SLIT2: variants seen among roughly 807,000 people sequenced by gnomAD.
SLIT2 encodes slit guidance ligand 2, also known as slit homolog 2 protein.
In SLIT2, 41 loss-of-function variants were observed where a neutral mutation model predicts 185.7. The observed-to-expected ratio is 0.22, with a 90% CI of 0.17 to 0.29. The LOEUF (loss-of-function observed/expected upper bound fraction) is 0.29. Ranked by LOEUF, SLIT2 falls within the 10% of genes least tolerant of loss-of-function variation. The pLI is 1.00. For synonymous variants in SLIT2, 693 were observed against 680.2 expected, an observed-to-expected ratio of 1.02 and a Z score of -0.29; for missense variants, 1,571 against 1,909.0, an observed-to-expected ratio of 0.82 and a Z score of 3.30.
At chr4:20,405,918 C>CTGTCCTATCAACAATGAAATACAA (rs1553895950) in intron 4 of SLIT2, among the ~76,000 whole-genome samples, 1 of 146,750 alleles carries the variant, frequency 6.8e-6, no homozygotes, top group South Asian at 2.3e-4. Context: ...TATTCACAAA[C>CTGTCCTATCAACAATGAAATACAA]ATTACCTTGG....
intron 4 of SLIT2, among the ~76,000 whole-genome samples, chr4:20,279,920 G>A (rs1714554611): frequency 6.6e-6 from 1 of 151,954 alleles, no homozygotes; most frequent in East Asian, 1.9e-4. Context: ...AGTACAGGTC[G>A]GCTAATAAAT....
chr4:20,360,559 A>T (rs1166335627), intron 4 of SLIT2, among the ~76,000 whole-genome samples: 2 of 152,164 alleles, frequency 1.3e-5, no homozygotes, highest in Non-Finnish European at 2.9e-5. Context: ...GGAAGCATAG[A>T]ATGACTCAAT....
At chr4:20,514,182 AT>A (rs1719991644) in intron 11 of SLIT2, among the ~76,000 whole-genome samples, 1 of 152,192 alleles carries the variant, frequency 6.6e-6, no homozygotes, top group South Asian at 2.1e-4. Context: ...TTAAATAAAA[AT>A]TTTGCTTACA....
rs746601970 is a variant in SLIT2, at chr4:20,550,838, G to A, written c.2501G>A (p.Gly834Glu). The A allele has an allele frequency of 6.2e-7, 1 of 1,603,896 alleles. No homozygotes were observed. The highest frequency in any genetic ancestry group is 8.5e-7 in the Non-Finnish European group (1 of 1,172,496). The change falls in exon 25 of 37, where the codon GGA (glycine) becomes GAA (glutamate). Residue 834 changes from glycine to glutamate, a missense_variant. Coordinates refer to ENST00000504154, the MANE Select transcript of SLIT2 (RefSeq NM_004787.4). The part of the protein sequence containing the change: ...LKSLRLLSLH[G>E]NDISVVPEGA... ...TTTCTTTCTTTTAGTTCTCTACATG[G>A]AAATGACATTTCTGTTGTGCCTGAA...
rs199864207 is a variant in SLIT2 at position 20,388,716 on chromosome 4, C to G, written c.396-79036C>G. 1.7e-4 allele frequency among the ~76,000 whole-genome samples: 26 copies of G among 149,508 alleles called. No individual in the cohort carries two copies. The East Asian group carries it at 5.1e-3, about 29-fold the overall frequency. ...TTGAACCCAGGAGGCAGAGGTTGCA[C>G]TGAGTGGAGATCATGCTCCTGCACT... On this transcript the variant is annotated intron_variant, in intron 4 of 36. Coordinates refer to ENST00000504154, the MANE Select transcript of SLIT2 (RefSeq NM_004787.4).
chr4:20,537,261 A>G (rs1026920730), intron 18 of SLIT2, among the ~76,000 whole-genome samples: 1 of 152,334 alleles, frequency 6.6e-6, no homozygotes, highest in African/African-American at 2.4e-5. Context: ...CACCAGTATC[A>G]CCACAAACAT....
chr4:20,347,714 A>G (rs1721541827), intron 4 of SLIT2, among the ~76,000 whole-genome samples: 1 of 152,264 alleles, frequency 6.6e-6, no homozygotes, highest in Non-Finnish European at 1.5e-5. Flanking sequence ...AAGTTAGGCA[A>G]CTGAGAAGGC....
chr4:20,374,320 C>T (rs1723836833), intron 4 of SLIT2, among the ~76,000 whole-genome samples: 1 of 151,972 alleles, frequency 6.6e-6, no homozygotes, highest in Admixed American at 6.6e-5. Flanking sequence ...TTTTCCTAGC[C>T]TGCTTATTAT....
intron 8 of SLIT2, among the ~76,000 whole-genome samples, chr4:20,489,410 A>G (rs1403865538): frequency 6.6e-6 from 1 of 152,240 alleles, no homozygotes; most frequent in Non-Finnish European, 1.5e-5. Flanking sequence ...CTTTTCATGC[A>G]TACATGTATA....
chr4:20,552,471 G>T (rs1038903387), intron 25 of SLIT2: 11 of 148,326 alleles, frequency 7.4e-5, no homozygotes, highest in Non-Finnish European at 1.6e-4. Context: ...TTTGTGCCTT[G>T]TCTTTTACCC....
At chr4:20,521,240 C>T (rs2148845234) in intron 12 of SLIT2, among the ~76,000 whole-genome samples, 1 of 152,280 alleles carries the variant, frequency 6.6e-6, no homozygotes, top group East Asian at 1.9e-4. Flanking sequence ...CTTCTAAAGC[C>T]ATCTTTATAA....
At chr4:20,468,704 A>G (rs1714636251) in intron 5 of SLIT2, among the ~76,000 whole-genome samples, 1 of 152,060 alleles carries the variant, frequency 6.6e-6, no homozygotes, top group Admixed American at 6.6e-5. Context: ...TAGCTTTTAC[A>G]TTAGTTTGGA....
chr4:20,380,628 A>G (rs1310091218), intron 4 of SLIT2, among the ~76,000 whole-genome samples: 1 of 152,116 alleles, frequency 6.6e-6, no homozygotes, highest in African/African-American at 2.4e-5. Context: ...ATATATAAAA[A>G]TTAAAAATAC....
At chr4:20,559,771 C>A (rs1239455628) in intron 26 of SLIT2, among the ~76,000 whole-genome samples, 1 of 151,842 alleles carries the variant, frequency 6.6e-6, no homozygotes. Context: ...AGAATTTGAA[C>A]CTTGACTCTG....
At chr4:20,474,867 A>G (rs958468922) in intron 5 of SLIT2, among the ~76,000 whole-genome samples, 1 of 152,016 alleles carries the variant, frequency 6.6e-6, no homozygotes, top group African/African-American at 2.4e-5. Context: ...AAGTTGTTTT[A>G]AAGTACCTTT....
intron 26 of SLIT2, among the ~76,000 whole-genome samples, chr4:20,565,225 A>G (rs1475095495): frequency 6.6e-6 from 1 of 151,948 alleles, no homozygotes; most frequent in Non-Finnish European, 1.5e-5. Context: ...AGGCCAAAAG[A>G]CATTTTTTCT....
intron 4 of SLIT2, among the ~76,000 whole-genome samples, chr4:20,280,942 C>G (rs1029242328): frequency 3.3e-5 from 5 of 150,896 alleles, no homozygotes; most frequent in African/African-American, 1.2e-4. Flanking sequence ...AAGCGATTCT[C>G]CTACCTAAAC....
At chr4:20,418,448 C>G (rs183112525) in intron 4 of SLIT2, among the ~76,000 whole-genome samples, 1 of 152,124 alleles carries the variant, frequency 6.6e-6, no homozygotes, top group Non-Finnish European at 1.5e-5. Context: ...AGTAATGAAA[C>G]GTTTTTGTAT....
At chr4:20,510,270 A>T (rs1416949249) in intron 9 of SLIT2, among the ~76,000 whole-genome samples, 4 of 152,214 alleles carry the variant, frequency 2.6e-5, no homozygotes, top group African/African-American at 7.2e-5. Context: ...TGTAGTACTT[A>T]AAAATCTGAA....
Sources: gnomAD v4.1 joint callset for allele counts (sites outside exome capture counted in the v4.1 genomes callset) on GRCh38, gnomAD v4.1.1 for gene constraint, MANE v1.5 for transcripts, NCBI Gene and HGNC (gene_info 2026-07-23, HGNC 2026-07-21) for gene names.